Variants in PDE4B observed in about 807,000 individuals in gnomAD.
The protein encoded by PDE4B is phosphodiesterase 4B.
In PDE4B, 20 loss-of-function variants were observed where a neutral mutation model predicts 82.2. The ratio of observed to expected loss-of-function variants is 0.24; its 90% CI spans 0.17 to 0.35. The LOEUF (loss-of-function observed/expected upper bound fraction) is 0.35. Ranked by LOEUF, PDE4B falls within the 10% of genes least tolerant of loss-of-function variation. The probability of loss-of-function intolerance (pLI) is 1.00; values close to 1 mark genes in which losing one functional copy is unlikely to be tolerated. For synonymous variants in PDE4B, 320 were observed against 318.9 expected (o/e 1.00, Z -0.04); for missense variants, 655 against 907.2 (o/e 0.72, Z 3.57).
chr1:66,185,190 G>T (rs1181163694), intron 3 of PDE4B, among the ~76,000 whole-genome samples: 1 of 152,076 alleles, frequency 6.6e-6, no homozygotes, highest in African/African-American at 2.4e-5. Flanking sequence ...TTATGGCTGC[G>T]TAGTATTACA....
At chr1:66,156,061 G>A (rs966775800) in intron 3 of PDE4B, among the ~76,000 whole-genome samples, 1 of 152,112 alleles carries the variant, frequency 6.6e-6, no homozygotes, top group African/African-American at 2.4e-5. Flanking sequence ...GTGTCTAAAT[G>A]TTATTATCCT....
intron 1 of PDE4B, among the ~76,000 whole-genome samples, chr1:65,795,972 A>G (rs1377795907): frequency 6.6e-6 from 1 of 152,220 alleles, no homozygotes; most frequent in East Asian, 1.9e-4. Flanking sequence ...ATGATATAGA[A>G]GATGCATATG....
At chr1:65,814,307 C>A (rs754005130) in intron 1 of PDE4B, among the ~76,000 whole-genome samples, 5 of 152,114 alleles carry the variant, frequency 3.3e-5, no homozygotes, top group African/African-American at 4.8e-5. Context: ...ATTATATGTA[C>A]ATATGTTTAG....
At chr1:65,893,326 T>C (rs1557802570) in intron 1 of PDE4B, among the ~76,000 whole-genome samples, 1 of 152,054 alleles carries the variant, frequency 6.6e-6, no homozygotes, top group Non-Finnish European at 1.5e-5. Context: ...CATGAGTAGA[T>C]ATTTCTCAAA....
chr1:65,894,209 A>T (rs1256011804), intron 1 of PDE4B, among the ~76,000 whole-genome samples: 4 of 152,194 alleles, frequency 2.6e-5, no homozygotes, highest in Non-Finnish European at 5.9e-5. Flanking sequence ...ACAATATTCT[A>T]TTGGCATAAG....
intron 3 of PDE4B, among the ~76,000 whole-genome samples, chr1:66,020,352 A>G (rs1220312067): frequency 6.6e-6 from 1 of 152,094 alleles, no homozygotes; most frequent in Non-Finnish European, 1.5e-5. Flanking sequence ...TCTACGGTAC[A>G]TGTGCACAAC....
At chr1:65,927,322 A>G (rs1413533228) in intron 3 of PDE4B, among the ~76,000 whole-genome samples, 1 of 151,318 alleles carries the variant, frequency 6.6e-6, no homozygotes, top group Admixed American at 6.6e-5. Context: ...GAAAGACAAC[A>G]GTGTGAAATG....
intron 3 of PDE4B, among the ~76,000 whole-genome samples, chr1:66,225,917 T>C (rs1651415147): frequency 6.6e-6 from 1 of 152,228 alleles, no homozygotes; most frequent in Admixed American, 6.5e-5. Context: ...GCCTAGCTCA[T>C]TGGATTATTT....
At chr1:66,246,738 C>T (rs753638707) in intron 3 of PDE4B, among the ~76,000 whole-genome samples, 18 of 152,252 alleles carry the variant, frequency 1.2e-4, no homozygotes, top group East Asian at 1.9e-4. Context: ...TCTAGAGTGA[C>T]GAAGACCGAT....
intron 3 of PDE4B, among the ~76,000 whole-genome samples, chr1:66,114,632 ATTTTTTT>A (rs139293880): frequency 1.5e-5 from 2 of 132,376 alleles, no homozygotes; most frequent in South Asian, 2.4e-4. Flanking sequence ...GTAGCCCACA[ATTTTTTT>A]TTTTTTTTTT....
chr1:65,805,111 T>C (rs12038590), intron 1 of PDE4B, among the ~76,000 whole-genome samples: 56,313 of 151,390 alleles, frequency 0.37, 11,693 homozygotes, highest in East Asian at 0.65. Flanking sequence ...ATTACAGGCG[T>C]GCACCACCAA....
chr1:66,372,652 G>T lies in PDE4B; in HGVS notation c.2185G>T (p.Glu729Ter), dbSNP rs745987719. ...LGETDIDIAT[E>*]DKSPVDT Reference sequence around the variant, plus strand: ...AGAGACTGACATAGACATTGCAACAGAAGACAAGTCCCCCGTGGATACATA... The same window carrying T: ...AGAGACTGACATAGACATTGCAACATAAGACAAGTCCCCCGTGGATACATA... Residue 729 changes from glutamate to a stop codon, truncating the protein, a stop_gained, in exon 17 of 17, where the codon GAA becomes TAA. Coordinates refer to ENST00000341517, the MANE Select transcript of PDE4B (RefSeq NM_002600.4). LOFTEE classifies it high-confidence loss of function. 29 of 1,613,388 alleles carry T rather than the reference G, an allele frequency of 1.8e-5. No homozygotes were observed. The highest frequency in any genetic ancestry group is 2.5e-5 in the Non-Finnish European group (29 of 1,179,540).
chr1:66,087,394 G>T (rs1020725438), intron 3 of PDE4B, among the ~76,000 whole-genome samples: 5 of 152,040 alleles, frequency 3.3e-5, no homozygotes, highest in Non-Finnish European at 7.4e-5. Context: ...CTGGATATTA[G>T]CCCTTTGTCA....
chr1:65,852,528 G>A (rs191368999), intron 1 of PDE4B, among the ~76,000 whole-genome samples: 11 of 151,780 alleles, frequency 7.2e-5, no homozygotes, highest in Middle Eastern at 3.5e-3. Context: ...TAATATGAAA[G>A]CTTACATTAT....
intron 1 of PDE4B, among the ~76,000 whole-genome samples, chr1:65,883,722 C>G (rs941243327): frequency 5.3e-5 from 8 of 152,124 alleles, no homozygotes; most frequent in African/African-American, 1.9e-4. Flanking sequence ...AGAGGGCATC[C>G]CTGTCTTGTG....
intron 3 of PDE4B, among the ~76,000 whole-genome samples, chr1:65,932,219 C>A (rs932821466): frequency 6.6e-6 from 1 of 151,638 alleles, no homozygotes; most frequent in Non-Finnish European, 1.5e-5. Context: ...CAGTCCCACC[C>A]ACAAGCTCAG....
At chr1:65,928,619 C>T (rs1295948144) in intron 3 of PDE4B, among the ~76,000 whole-genome samples, 1 of 152,164 alleles carries the variant, frequency 6.6e-6, no homozygotes, top group Non-Finnish European at 1.5e-5. Context: ...TTACAGGGCT[C>T]TTCAAAGATG....
At chr1:65,856,260 T>C (rs1264022900) in intron 1 of PDE4B, among the ~76,000 whole-genome samples, 1 of 152,166 alleles carries the variant, frequency 6.6e-6, no homozygotes, top group East Asian at 1.9e-4. Context: ...TACATGAGTA[T>C]ACATGTGCCA....
At chr1:66,141,350 A>G (rs1366271126) in intron 3 of PDE4B, among the ~76,000 whole-genome samples, 1 of 143,604 alleles carries the variant, frequency 7.0e-6, no homozygotes, top group African/African-American at 2.5e-5. Context: ...ATATATATAT[A>G]TATATATATA....
Sources: gnomAD v4.1 joint callset for allele counts (sites outside exome capture counted in the v4.1 genomes callset) on GRCh38, gnomAD v4.1.1 for gene constraint, MANE v1.5 for transcripts, NCBI Gene and HGNC (gene_info 2026-07-23, HGNC 2026-07-21) for gene names.